MAP3K21: variants seen among roughly 807,000 people sequenced by gnomAD.
The protein encoded by MAP3K21 is mitogen-activated protein kinase kinase kinase 21.
MAP3K21 carries 63 observed loss-of-function variants against 86.1 expected under a neutral mutation model. The ratio of observed to expected loss-of-function variants is 0.73; its 90% CI spans 0.60 to 0.90. The LOEUF (loss-of-function observed/expected upper bound fraction) is 0.90. Among genes scored for constraint, MAP3K21 ranks in the 40% least tolerant of loss-of-function variants. The pLI, the probability that MAP3K21 is intolerant of heterozygous loss-of-function variation, is 0.00. For synonymous variants in MAP3K21, 558 were observed against 564.8 expected (o/e 0.99, Z 0.17); for missense variants, 1,220 against 1,367.7 (o/e 0.89, Z 1.70).
chr1:233,368,674 A>C (rs1425016184), intron 5 of MAP3K21, among the ~76,000 whole-genome samples: 2 of 151,292 alleles, frequency 1.3e-5, no homozygotes, highest in Non-Finnish European at 2.9e-5. Context: ...AAAAAGTATG[A>C]CTCAGCAGAT....
intron 5 of MAP3K21, among the ~76,000 whole-genome samples, chr1:233,371,751 GT>G (rs1167678805): frequency 1.6e-4 from 4 of 24,894 alleles, no homozygotes; most frequent in African/African-American, 6.0e-4. Flanking sequence ...ATTTTCCTTT[GT>G]GTGTGTGTGT....
intron 3 of MAP3K21, among the ~76,000 whole-genome samples, 174 bp from the exon 4 acceptor site, chr1:233,354,662 T>A (rs2049183): frequency 0.44 from 67,039 of 152,036 alleles, 15,208 homozygotes; most frequent in Admixed American, 0.55. Context: ...TAAAATAAAC[T>A]ATTCAAACTA....
At chr1:233,380,541 A>G (rs1052204648) in intron 9 of MAP3K21, among the ~76,000 whole-genome samples, 7 of 152,202 alleles carry the variant, frequency 4.6e-5, no homozygotes. Flanking sequence ...GACAGCAAGT[A>G]TTACCCTGTT....
Position 233,328,626 on chromosome 1 carries a change from C to A in MAP3K21, c.598C>A (p.Leu200Met). The A allele has an allele frequency of 9.6e-6, 14 of 1,465,764 alleles. No homozygotes were observed. Among genetic ancestry groups the A allele is most frequent in the Non-Finnish European group, 1.3e-5 (14 of 1,112,396 alleles). 90.8% of individuals were successfully genotyped at this position (1,465,764 alleles called of 1,614,324 possible). Residue 200 changes from leucine (L) to methionine (M), a missense_variant, in exon 1 of 10, where the codon CTG becomes ATG. Physicochemically the swap from Leu to Met is conservative, Grantham distance 15. Transcript: ENST00000366624. The surrounding 1 kb of genome is among the most constrained non-coding windows in gnomAD (Gnocchi z 8.7). The stretch of plus-strand genomic sequence containing the variant: ...GCAGCAGCCGCACCTCTGCCTGGTG[C>A]TGGAGTTCGCCCGCGGCGGAGCGCT... Reference protein sequence around the residue: ...CLQQPHLCLVLEFARGGALNR... With the variant: ...CLQQPHLCLVMEFARGGALNR...
chr1:233,362,922 A>G (rs1663493075), intron 5 of MAP3K21, among the ~76,000 whole-genome samples: 1 of 152,126 alleles, frequency 6.6e-6, no homozygotes. Context: ...TAGAAAATAT[A>G]TCAATCAATC....
In MAP3K21 at chr1:233,375,900, A is replaced by C; in HGVS notation, c.1676-16A>C. ...ATGATTGTTGTGGTTAATATGGTTAATAATGTTCTTTTTAGTGACTTCAGA... is the reference window on the plus strand; with the variant it reads ...ATGATTGTTGTGGTTAATATGGTTACTAATGTTCTTTTTAGTGACTTCAGA... On this transcript the variant is annotated splice_polypyrimidine_tract_variant and intron_variant, in intron 6 of 9. Transcript: ENST00000366624. The C allele has an allele frequency of 6.2e-7, 1 of 1,602,398 alleles. No homozygotes were observed. Among genetic ancestry groups the C allele is most frequent in the Middle Eastern group, 1.7e-4 (1 of 6,016 alleles).
chr1:233,334,192 A>T (rs992567513), intron 1 of MAP3K21, among the ~76,000 whole-genome samples: 1 of 142,808 alleles, frequency 7.0e-6, no homozygotes, highest in African/African-American at 2.6e-5. Flanking sequence ...TTTTAATACA[A>T]GGTCTTGCTG....
At chr1:233,369,398 G>A (rs1477762823) in intron 5 of MAP3K21, among the ~76,000 whole-genome samples, 1 of 151,860 alleles carries the variant, frequency 6.6e-6, no homozygotes, top group Non-Finnish European at 1.5e-5. Flanking sequence ...TCCAAAAAAA[G>A]AAGTAACATT....
Position 233,382,353 on chromosome 1 carries a change from G to T in MAP3K21, c.2753G>T (p.Cys918Phe). ...SATGASALPLCPSPAPHSHLP... is the reference protein window; with the variant it reads ...SATGASALPLFPSPAPHSHLP... ...ACTGGAGCCTCTGCACTGCCACTCTGCCCCTCACCTGCTCCTCACAGTCAT... is the reference window on the plus strand; with the variant it reads ...ACTGGAGCCTCTGCACTGCCACTCTTCCCCTCACCTGCTCCTCACAGTCAT... The change falls in exon 10 of 10, where the codon TGC becomes TTC. Residue 918 changes from cysteine to phenylalanine, a missense_variant. Cys to Phe is a radical substitution (Grantham distance 205, BLOSUM62 -2). Coordinates refer to ENST00000366624, the MANE Select transcript of MAP3K21 (RefSeq NM_032435.3). The T allele has an allele frequency of 3.1e-6, 5 of 1,614,048 alleles. No homozygotes were observed. The highest frequency in any genetic ancestry group is 4.2e-6 in the Non-Finnish European group (5 of 1,179,986).
At chr1:233,340,002 TA>T (rs993527321) in intron 1 of MAP3K21, among the ~76,000 whole-genome samples, 16 of 151,420 alleles carry the variant, frequency 1.1e-4, no homozygotes, top group African/African-American at 1.5e-4. Context: ...TGTGCAGTAT[TA>T]AAAAAAAAGA....
At chr1:233,345,175 G>A (rs1469558766) in intron 1 of MAP3K21, among the ~76,000 whole-genome samples, 3 of 152,130 alleles carry the variant, frequency 2.0e-5, no homozygotes, top group East Asian at 1.9e-4. Context: ...ACAGTGTGGC[G>A]ATTCCTCAAG....
intron 4 of MAP3K21, among the ~76,000 whole-genome samples, chr1:233,358,205 T>C (rs1663401266): frequency 6.6e-6 from 1 of 151,962 alleles, no homozygotes. Flanking sequence ...GTGAGTCCTG[T>C]ATGCAAAGCA....
Position 233,355,914 on chromosome 1 carries a change from C to T in MAP3K21, c.1311+903C>T, listed in dbSNP as rs192456647. Among the ~76,000 whole-genome samples the T allele has an allele frequency of 9.8e-5, 15 of 152,292 alleles. No individual in the cohort carries two copies. The East Asian group carries it at 2.9e-3, about 29-fold the overall frequency. On this transcript the variant is annotated intron_variant, in intron 4 of 9. Transcript: ENST00000366624. ...TCTCCTTCTAAAATGCAAATCTGATCAGCCTTGTTTCCATTGCCCACTTTT... is the reference window on the plus strand; with the variant it reads ...TCTCCTTCTAAAATGCAAATCTGATTAGCCTTGTTTCCATTGCCCACTTTT...
chr1:233,374,824 C>T (rs966655680), intron 6 of MAP3K21, among the ~76,000 whole-genome samples: 1 of 150,960 alleles, frequency 6.6e-6, no homozygotes, highest in Non-Finnish European at 1.5e-5. Flanking sequence ...TTATTATGGT[C>T]ACAGAGTATT....
chr1:233,342,215 T>C (rs1663050484), intron 1 of MAP3K21, among the ~76,000 whole-genome samples: 1 of 152,234 alleles, frequency 6.6e-6, no homozygotes. Flanking sequence ...TGCTTTGCCC[T>C]CTTCTTATAA....
intron 1 of MAP3K21, among the ~76,000 whole-genome samples, chr1:233,338,013 G>A (rs1485370934): frequency 1.3e-5 from 2 of 152,192 alleles, no homozygotes; most frequent in South Asian, 2.1e-4. Flanking sequence ...ATATATTAAT[G>A]TAGAATATTA....
In MAP3K21 at chr1:233,385,006, T is replaced by TA. The variant is rs1663980853; in HGVS notation, c.*2301dup. 1 of 152,246 alleles carries TA rather than the reference T, an allele frequency of 6.6e-6. No individual in the cohort carries two copies. The highest frequency in any genetic ancestry group is 1.5e-5 in the Non-Finnish European group (1 of 68,044). The allele number at this position is 152,246 out of a possible 1,614,324, so 9.4% of individuals were successfully genotyped here. A position where few individuals can be genotyped will look rare whatever the true frequency, so the allele number is the denominator to read the frequency against. On this transcript the variant is annotated 3_prime_UTR_variant, in exon 10 of 10. Transcript: ENST00000366624. ...TGAAAGATAAGTCAATTACTGTTAG[T>TA]AAAAAATTAAGGTACTCTCACTGCA...
At chr1:233,376,167 TAGAG>T (rs35806537) in intron 7 of MAP3K21, 101 bp downstream of exon 7, 116,745 of 974,808 alleles carry the variant, frequency 0.12, 8,351 homozygotes, top group Non-Finnish European at 0.14. Context: ...AGTAAATTAA[TAGAG>T]AGATTTATAA....
intron 4 of MAP3K21, among the ~76,000 whole-genome samples, chr1:233,356,577 G>C (rs1342028516): frequency 6.6e-6 from 1 of 152,140 alleles, no homozygotes; most frequent in Non-Finnish European, 1.5e-5. Context: ...TGACTCAGCT[G>C]TTCCACTTCC....
Sources: allele counts gnomAD v4.1 joint callset (sites outside exome capture counted in the v4.1 genomes callset), GRCh38; gene constraint gnomAD v4.1.1; non-coding constraint Gnocchi (gnomAD v3.1); transcripts MANE v1.5; gene names NCBI Gene and HGNC (gene_info 2026-07-23, HGNC 2026-07-21).